Variants in RNF183 observed in about 807,000 individuals in gnomAD.
RNF183 encodes the protein ring finger protein 183, also known as E3 ubiquitin-protein ligase RNF183.
Under a neutral mutation model 9.0 loss-of-function variants are expected in RNF183, and 4 were observed. The observed-to-expected ratio is 0.44, with a 90% CI of 0.22 to 1.01. The LOEUF is 1.01. Among genes scored for constraint, RNF183 ranks in the 50% least tolerant of loss-of-function variants. The pLI, the probability that RNF183 is intolerant of heterozygous loss-of-function variation, is 0.25. For missense variants in RNF183, 227 were observed against 253.6 expected (o/e 0.89, Z 0.71); for synonymous variants, 102 against 107.5 (o/e 0.95, Z 0.32).
chr9:113,297,452 TAA>T lies in RNF183; in HGVS notation c.*152_*153del. The T allele has an allele frequency of 1.9e-6, 1 of 526,704 alleles. No individual in the cohort carries two copies. Among genetic ancestry groups the T allele is most frequent in the East Asian group, 3.4e-5 (1 of 29,358 alleles). The allele number at this position is 526,704 out of a possible 1,614,324, so 32.6% of individuals were successfully genotyped here. ...AGCTTTTCGTTTTTTTGTTTTTTTT[TAA>T]AATTGTTCCCAGAAGCAAACACATG... On this transcript the variant is annotated 3_prime_UTR_variant, in exon 5 of 5. Transcript: ENST00000489339.
intron 4 of RNF183, chr9:113,299,195 G>C (rs1253899073): frequency 6.6e-6 from 1 of 152,348 alleles, no homozygotes; most frequent in Non-Finnish European, 1.5e-5. Flanking sequence ...TGGGGGGTGG[G>C]GTGGGGAGGA....
At position 113,298,501 on chromosome 9, in the gene RNF183, C is replaced by T. The variant is rs188265960; in HGVS notation, c.-37-280G>A. On this transcript the variant is annotated intron_variant, in intron 4 of 4. Transcript: ENST00000489339. The surrounding 1 kb of genome is among the most constrained non-coding windows in gnomAD (Gnocchi z 4.9). The stretch of plus-strand genomic sequence containing the variant: ...TGTCGCCCTGGGCTTTGGAGCTGGA[C>T]GCAAATGCTCCTTATGGTCATTGTC... 100 of 382,490 alleles carry T rather than the reference C, an allele frequency of 2.6e-4. No individual in the cohort carries two copies. Among genetic ancestry groups the T allele is most frequent in the East Asian group, 1.6e-3 (32 of 19,590 alleles). The allele number at this position is 382,490 out of a possible 1,614,324, so 23.7% of individuals were successfully genotyped here.
intron 2 of RNF183, 151 bp downstream of exon 2, chr9:113,302,044 C>A (rs1035369877): frequency 1.3e-5 from 2 of 150,744 alleles, no homozygotes; most frequent in South Asian, 4.2e-4. Context: ...GATAAACAAC[C>A]AGATATTAGC....
chr9:113,297,584 G>A lies in RNF183; in HGVS notation c.*22C>T, dbSNP rs767937464. The A allele has an allele frequency of 5.9e-6, 9 of 1,530,930 alleles. No individual in the cohort carries two copies. The East Asian group carries it at 9.1e-5, about 15-fold the overall frequency. 94.8% of individuals were successfully genotyped at this position (1,530,930 alleles called of 1,614,324 possible). A position where few individuals can be genotyped will look rare whatever the true frequency, so the allele number is the denominator to read the frequency against. ...CCCAGCAGCAACCGAAAAAGGTTTG[G>A]TTTCTTGTCTGGGAACAGCACTCAC... On this transcript the variant is annotated 3_prime_UTR_variant, in exon 5 of 5. Transcript: ENST00000489339.
At position 113,298,111 on chromosome 9, in the gene RNF183, T is replaced by A; in HGVS notation, c.74A>T (p.His25Leu). 1 of 1,613,976 alleles carries A rather than the reference T, an allele frequency of 6.2e-7. No individual in the cohort carries two copies. The highest frequency in any genetic ancestry group is 8.5e-7 in the Non-Finnish European group (1 of 1,179,994). ...VCWNPFNNTF[H>L]TPKMLDCCHS... ...GCAGCAATCCAGCATTTTGGGGGTA[T>A]GGAACGTGTTGTTGAAGGGGTTCCA... Residue 25 changes from histidine to leucine, a missense_variant, in exon 5 of 5, where the codon CAT becomes CTT. His to Leu is a moderately conservative substitution (Grantham distance 99, BLOSUM62 -3). Coordinates refer to ENST00000489339, the MANE Select transcript of RNF183 (RefSeq NM_001371237.1). The surrounding 1 kb of genome is among the most constrained non-coding windows in gnomAD (Gnocchi z 4.9).
chr9:113,298,167 GC>G lies in RNF183; in HGVS notation c.17del (p.Gly6AlafsTer42), dbSNP rs759714929. 138 of 1,612,102 alleles carry G rather than the reference GC, an allele frequency of 8.6e-5. No individual in the cohort carries two copies. Among genetic ancestry groups the G allele is most frequent in the Non-Finnish European group, 1.8e-5 (21 of 1,178,878 alleles). On this transcript the variant is annotated frameshift_variant, in exon 5 of 5. Transcript: ENST00000489339. LOFTEE classifies it high-confidence loss of function. The surrounding 1 kb of genome is among the most constrained non-coding windows in gnomAD (Gnocchi z 4.9). ...CGGGGCACTCAGCCTCAAGCTCCCG[GC>G]CCTGCTGCTCAGCCATCCTCAGCCA... MAEQQGRELEAECPVC... is the reference protein window; with the variant it reads MAEQQXRELEAECPVC...
At position 113,297,931 on chromosome 9, in the gene RNF183, C is replaced by T. The variant is rs755970959; in HGVS notation, c.254G>A (p.Arg85His). The change falls in exon 5 of 5, where the codon CGC (arginine) becomes CAC (histidine). Residue 85 changes from arginine (R) to histidine (H), a missense_variant. Physicochemically the swap from Arg to His is conservative, Grantham distance 29 (BLOSUM62 0). Transcript: ENST00000489339. The stretch of plus-strand genomic sequence containing the variant: ...CAGGATGACATGGTGGGGCTCCAGG[C>T]GGAGCAGGGCGAGCATGGCAGTGTC... The part of the protein sequence containing the change: ...PTDTAMLALL[R>H]LEPHHVILEG... The T allele has an allele frequency of 9.3e-6, 15 of 1,613,524 alleles. No individual in the cohort carries two copies. In the East Asian group the frequency reaches 2.2e-4, roughly 24 times the overall value.
Position 113,298,424 on chromosome 9 carries a change from G to A in RNF183, c.-37-203C>T. 1 of 551,116 alleles carries A rather than the reference G, an allele frequency of 1.8e-6. No homozygotes were observed. 34.1% of individuals were successfully genotyped at this position (551,116 alleles called of 1,614,324 possible). On this transcript the variant is annotated intron_variant, in intron 4 of 4. Coordinates refer to ENST00000489339, the MANE Select transcript of RNF183 (RefSeq NM_001371237.1). The surrounding 1 kb of genome is among the most constrained non-coding windows in gnomAD (Gnocchi z 4.9). ...ACAGCCTCCCCTCTGTCAAGGTGAA[G>A]GCCTGGGCCACCCCTACCAAGAGCC...
At chr9:113,299,344 G>A (rs1832844187) in intron 4 of RNF183, 1 of 152,310 alleles carries the variant, frequency 6.6e-6, no homozygotes, top group Non-Finnish European at 1.5e-5. Flanking sequence ...CGTCTTTGTA[G>A]ATGTGAAGAG....
In RNF183 at chr9:113,298,040, G is replaced by A. The variant is rs1160543832; in HGVS notation, c.145C>T (p.Pro49Ser). The A allele has an allele frequency of 1.9e-6, 3 of 1,613,960 alleles. No individual in the cohort carries two copies. The highest frequency in any genetic ancestry group is 3.3e-5 in the Admixed American group (2 of 60,006). Residue 49 changes from proline to serine, a missense_variant, in exon 5 of 5, where the codon CCA (proline) becomes TCA (serine). Transcript: ENST00000489339. The surrounding 1 kb of genome is among the most constrained non-coding windows in gnomAD (Gnocchi z 4.9). ...GGGCACAGCAGGCGGCGCCGGGCTGGAGTCACAAGGCTGAGGTGGGCCAGA... is the reference window on the plus strand; with the variant it reads ...GGGCACAGCAGGCGGCGCCGGGCTGAAGTCACAAGGCTGAGGTGGGCCAGA... The part of the protein sequence containing the change: ...ECLAHLSLVT[P>S]ARRRLLCPLC...
In RNF183 at chr9:113,297,577, A is replaced by C; in HGVS notation, c.*29T>G. On this transcript the variant is annotated 3_prime_UTR_variant, in exon 5 of 5. Transcript: ENST00000489339. ...CACCATACCCAGCAGCAACCGAAAA[A>C]GGTTTGGTTTCTTGTCTGGGAACAG... 1 of 1,488,622 alleles carries C rather than the reference A, an allele frequency of 6.7e-7. No individual in the cohort carries two copies. Among genetic ancestry groups the C allele is most frequent in the Non-Finnish European group, 9.1e-7 (1 of 1,097,866 alleles). 92.2% of individuals were successfully genotyped at this position (1,488,622 alleles called of 1,614,324 possible). A position where few individuals can be genotyped will look rare whatever the true frequency, so the allele number is the denominator to read the frequency against.
In RNF183 at chr9:113,299,579, C is replaced by T. The variant is rs1008030968; in HGVS notation, c.-45G>A. 1 of 152,142 alleles carries T rather than the reference C, an allele frequency of 6.6e-6. No individual in the cohort carries two copies. Among genetic ancestry groups the T allele is most frequent in the African/African-American group, 2.4e-5 (1 of 41,398 alleles). 9.4% of individuals were successfully genotyped at this position (152,142 alleles called of 1,614,324 possible). A position where few individuals can be genotyped will look rare whatever the true frequency, so the allele number is the denominator to read the frequency against. ...CAATCAGCGTGTACAAACCTCGCTG[C>T]CTTCTGCTTTGTTCTTAGCACACAG... On this transcript the variant is annotated 5_prime_UTR_variant, in exon 4 of 5. Coordinates refer to ENST00000489339, the MANE Select transcript of RNF183 (RefSeq NM_001371237.1).
chr9:113,297,670 C>A lies in RNF183; in HGVS notation c.515G>T (p.Ser172Ile). ...GGAGAATATGAGCAACAGAGTGACA[C>A]TGAGGATGACGGCCATCAGGTAGGC... ...IFAYLMAVILSVTLLLIFSIF... is the reference protein window; with the variant it reads ...IFAYLMAVILIVTLLLIFSIF... Residue 172 changes from serine to isoleucine, a missense_variant, in exon 5 of 5, where the codon AGT becomes ATT. Ser to Ile is a moderately radical substitution (Grantham distance 142, BLOSUM62 -2). Transcript: ENST00000489339. 1 of 1,613,718 alleles carries A rather than the reference C, an allele frequency of 6.2e-7. No homozygotes were observed. The highest frequency in any genetic ancestry group is 8.5e-7 in the Non-Finnish European group (1 of 1,179,866).
chr9:113,298,296 C>T lies in RNF183; in HGVS notation c.-37-75G>A. ...TGTGCTTGGCCTGGGGCAAAGTGTT[C>T]TGTGGGTGTTGAAAGGTGTAATCAC... On this transcript the variant is annotated intron_variant, in intron 4 of 4. Transcript: ENST00000489339. The surrounding 1 kb of genome is among the most constrained non-coding windows in gnomAD (Gnocchi z 4.9). 1.1e-6 allele frequency: 1 copy of T among 899,986 alleles called. No individual in the cohort carries two copies. The allele number at this position is 899,986 out of a possible 1,614,324, so 55.8% of individuals were successfully genotyped here.
chr9:113,300,498 C>T (rs923827190), intron 3 of RNF183, among the ~76,000 whole-genome samples: 1 of 152,136 alleles, frequency 6.6e-6, no homozygotes, highest in Non-Finnish European at 1.5e-5. Flanking sequence ...AAATGGGCTT[C>T]GGGTGCTTGG....
rs1013736501 is a variant in RNF183 at position 113,298,906 on chromosome 9, C to T, written c.-38+666G>A. 1.3e-5 allele frequency: 2 copies of T among 153,980 alleles called. No individual in the cohort carries two copies. Among genetic ancestry groups the T allele is most frequent in the African/African-American group, 4.8e-5 (2 of 41,470 alleles). 9.5% of individuals were successfully genotyped at this position (153,980 alleles called of 1,614,324 possible). ...CCAGAGCCTCTTCCCCATCCTCTGC[C>T]TACCCTGGCTCCTCCTCCCTCCCTT... is the stretch of plus-strand genomic sequence containing the variant. On this transcript the variant is annotated intron_variant, in intron 4 of 4. Coordinates refer to ENST00000489339, the MANE Select transcript of RNF183 (RefSeq NM_001371237.1). The surrounding 1 kb of genome is among the most constrained non-coding windows in gnomAD (Gnocchi z 4.9).
Position 113,297,869 on chromosome 9 carries a change from T to C in RNF183, c.316A>G (p.Ser106Gly), listed in dbSNP as rs1337793948. The C allele has an allele frequency of 6.2e-7, 1 of 1,605,250 alleles. No homozygotes were observed. The highest frequency in any genetic ancestry group is 2.3e-5 in the East Asian group (1 of 44,414). ...HQLCLKDQPK[S>G]RYFLRQPQVY... ...TGAGGCTGGCGCAGGAAGTAGCGGCTCTTGGGCTGGTCCTTGAGGCACAGC... is the reference window on the plus strand; with the variant it reads ...TGAGGCTGGCGCAGGAAGTAGCGGCCCTTGGGCTGGTCCTTGAGGCACAGC... Residue 106 changes from serine to glycine, a missense_variant, in exon 5 of 5, where the codon AGC becomes GGC. By Grantham distance (56) the Ser-to-Gly change is moderately conservative. Transcript: ENST00000489339.
chr9:113,300,667 A>G (rs1029158873), intron 3 of RNF183, among the ~76,000 whole-genome samples: 21 of 151,846 alleles, frequency 1.4e-4, no homozygotes, highest in African/African-American at 4.4e-4. Context: ...AAGCTCTTCC[A>G]ATTTGAGAAA....
intron 3 of RNF183, among the ~76,000 whole-genome samples, chr9:113,300,252 G>A (rs1012229794): frequency 3.9e-5 from 6 of 152,206 alleles, no homozygotes; most frequent in Admixed American, 2.6e-4. Context: ...AGCGAAACTA[G>A]GGTAGTTTAG....
Sources: gnomAD v4.1 joint callset for allele counts (sites outside exome capture counted in the v4.1 genomes callset) on GRCh38, gnomAD v4.1.1 for gene constraint, Gnocchi (gnomAD v3.1) non-coding constraint, MANE v1.5 for transcripts, NCBI Gene and HGNC (gene_info 2026-07-23, HGNC 2026-07-21) for gene names.